Variants in INSL6 observed in about 807,000 individuals in gnomAD.
INSL6 encodes insulin-like peptide INSL6.
Under a neutral mutation model 9.4 loss-of-function variants are expected in INSL6, and 16 were observed. The observed-to-expected ratio is 1.70, with a 90% CI of 1.15 to 2.59. The LOEUF (loss-of-function observed/expected upper bound fraction) is 2.59, where lower values mean the gene tolerates loss of function less well. Ranked by LOEUF, INSL6 falls within the 30% of genes most tolerant of loss-of-function variation. The probability of loss-of-function intolerance (pLI) is 0.00; values close to 1 mark genes in which losing one functional copy is unlikely to be tolerated. For missense variants in INSL6, 391 were observed against 257.3 expected (o/e 1.52, Z -3.56); for synonymous variants, 154 against 96.9 (o/e 1.59, Z -3.46).
At chr9:5,062,500 T>TAAAAAAAAAAAAAAAAAAAAAAAAAAA in the INSL6 span, among the ~76,000 whole-genome samples, 4 of 58,248 alleles carry the variant, frequency 6.9e-5, no homozygotes, top group African/African-American at 2.1e-4. Flanking sequence ...CTTCCATTTG[T>TAAAAAAAAAAAAAAAAAAAAAAAAAAA]AAAAAAAAAA....
chr9:5,185,028 G>A (rs1226815613), intron 1 of INSL6, among the ~76,000 whole-genome samples: 1 of 151,992 alleles, frequency 6.6e-6, no homozygotes, highest in Non-Finnish European at 1.5e-5. Flanking sequence ...GTTGGGCTTT[G>A]AAGGACAAAA....
chr9:5,184,851 T>G (rs1825532937), intron 1 of INSL6, among the ~76,000 whole-genome samples: 1 of 152,238 alleles, frequency 6.6e-6, no homozygotes, highest in Non-Finnish European at 1.5e-5. Flanking sequence ...TTCCTGCTTT[T>G]TTGAACAAGG....
the INSL6 span, chr9:5,080,701 C>A: frequency 2.0e-4 from 300 of 1,510,180 alleles, no homozygotes; most frequent in African/African-American, 3.9e-3. Flanking sequence ...TTTGAATGAT[C>A]TTATTGATTT....
chr9:5,043,995 G>T, the INSL6 span, among the ~76,000 whole-genome samples: 1 of 152,150 alleles, frequency 6.6e-6, no homozygotes, highest in Non-Finnish European at 1.5e-5. Context: ...AATATAGAGT[G>T]TTCTTTGTTT....
chr9:5,026,445 ATAATT>A, the INSL6 span, among the ~76,000 whole-genome samples: 5 of 152,228 alleles, frequency 3.3e-5, no homozygotes, highest in Admixed American at 6.5e-5. Flanking sequence ...GGTCGTGTTA[ATAATT>A]TAAATTAAGA....
At chr9:5,025,028 T>G in the INSL6 span, among the ~76,000 whole-genome samples, 2 of 152,192 alleles carry the variant, frequency 1.3e-5, no homozygotes, top group Admixed American at 6.5e-5. Flanking sequence ...TGCACAACTT[T>G]CCTGCCATTT....
chr9:5,011,655 T>G, the INSL6 span, among the ~76,000 whole-genome samples: 1 of 152,226 alleles, frequency 6.6e-6, no homozygotes, highest in African/African-American at 2.4e-5. Flanking sequence ...ATATATATTC[T>G]TCTTTTCATG....
the INSL6 span, among the ~76,000 whole-genome samples, chr9:5,062,500 TAAAAAAAAA>T: frequency 4.8e-4 from 28 of 58,248 alleles, 1 homozygote; most frequent in African/African-American, 2.7e-3. Context: ...CTTCCATTTG[TAAAAAAAAA>T]AAAAAAAAAA....
At chr9:5,160,176 CAAA>C (rs567544530), downstream of INSL6, among the ~76,000 whole-genome samples, 2 of 83,526 alleles carry the variant, frequency 2.4e-5, no homozygotes, top group Non-Finnish European at 2.6e-5. Flanking sequence ...AACTCGGTCT[CAAA>C]AAAAAAAAAA....
chr9:5,046,956 C>T, the INSL6 span, among the ~76,000 whole-genome samples: 1 of 152,100 alleles, frequency 6.6e-6, no homozygotes, highest in African/African-American at 2.4e-5. Context: ...AATATTAATA[C>T]TGCAATGTCT....
chr9:5,090,698 T>C, the INSL6 span: 8 of 1,553,218 alleles, frequency 5.2e-6, no homozygotes, highest in East Asian at 4.5e-5. Flanking sequence ...AAATTGTTTA[T>C]ATTTATAAAA....
chr9:5,139,780 G>A (rs1199505585), intron 2 of INSL6, among the ~76,000 whole-genome samples: 4 of 152,122 alleles, frequency 2.6e-5, no homozygotes, highest in Admixed American at 2.0e-4. Flanking sequence ...TCTGATTAGT[G>A]CTCATTATAC....
chr9:5,101,850 C>T, the INSL6 span, among the ~76,000 whole-genome samples: 1 of 152,180 alleles, frequency 6.6e-6, no homozygotes. Flanking sequence ...AAAGGAATAG[C>T]ATCAACATCA....
At chr9:5,037,665 C>T in the INSL6 span, among the ~76,000 whole-genome samples, 6 of 152,066 alleles carry the variant, frequency 3.9e-5, no homozygotes, top group African/African-American at 1.4e-4. Context: ...AATGAGAACA[C>T]ATGGACACAG....
At chr9:5,142,704 T>C (rs1218061801) in intron 2 of INSL6, among the ~76,000 whole-genome samples, 2 of 152,202 alleles carry the variant, frequency 1.3e-5, no homozygotes, top group Non-Finnish European at 1.5e-5. Flanking sequence ...TTTTCTTGCC[T>C]GATCACCCTG....
chr9:5,147,356 G>A (rs1350792822), intron 2 of INSL6, among the ~76,000 whole-genome samples: 1 of 152,144 alleles, frequency 6.6e-6, no homozygotes, highest in East Asian at 1.9e-4. Context: ...GTGTGGATAA[G>A]GTGCTTAGGG....
chr9:5,061,823 G>A, the INSL6 span, among the ~76,000 whole-genome samples: 1 of 152,200 alleles, frequency 6.6e-6, no homozygotes, highest in Non-Finnish European at 1.5e-5. Context: ...TCCTCACTAA[G>A]CTTAATCATT....
downstream of INSL6, among the ~76,000 whole-genome samples, chr9:5,162,386 G>A (rs1466190258): frequency 6.6e-6 from 1 of 152,104 alleles, no homozygotes; most frequent in Non-Finnish European, 1.5e-5. Context: ...AAAATGTGTA[G>A]GGAAGTATAT....
chr9:5,047,479 AAC>A, the INSL6 span, among the ~76,000 whole-genome samples: 1 of 152,212 alleles, frequency 6.6e-6, no homozygotes, highest in African/African-American at 2.4e-5. Context: ...ACATGTGAAC[AAC>A]TTTTAATTAA....
Sources: gnomAD v4.1 joint callset for allele counts (sites outside exome capture counted in the v4.1 genomes callset) on GRCh38, gnomAD v4.1.1 for gene constraint, MANE v1.5 for transcripts, NCBI Gene and HGNC (gene_info 2026-07-23, HGNC 2026-07-21) for gene names.